GRIN3A: variants seen among roughly 807,000 people sequenced by gnomAD.
The protein encoded by GRIN3A is glutamate ionotropic receptor NMDA type subunit 3A.
GRIN3A carries 47 observed loss-of-function variants against 92.4 expected under a neutral mutation model. That is an observed-to-expected ratio of 0.51 (90% confidence interval 0.40 to 0.65). The LOEUF (loss-of-function observed/expected upper bound fraction) is 0.65. Among genes scored for constraint, GRIN3A ranks in the 30% least tolerant of loss-of-function variants. GRIN3A has a pLI of 0.00. For missense variants in GRIN3A, 1,324 were observed against 1,393.1 expected (o/e 0.95, Z 0.79); for synonymous variants, 527 against 540.6 (o/e 0.97, Z 0.35).
rs184344107 is a variant in GRIN3A, at chr9:101,689,002, A to C, written c.700-1802T>G. ...GGGTGTCCAGGCTTGAGCTGCCAGC[A>C]GGATCTTGAGGTGAGAGAAATGGAA... is the stretch of plus-strand genomic sequence containing the variant. On this transcript the variant is annotated intron_variant, in intron 1 of 8. Transcript: ENST00000361820. Among the ~76,000 whole-genome samples, 148 of 152,346 alleles carry C rather than the reference A, an allele frequency of 9.7e-4. 1 individual carries two copies. Among genetic ancestry groups the C allele is most frequent in the Admixed American group, 2.0e-3 (31 of 15,300 alleles).
chr9:101,638,687 T>C (rs1339139268), intron 3 of GRIN3A, among the ~76,000 whole-genome samples: 1 of 152,204 alleles, frequency 6.6e-6, no homozygotes, highest in Non-Finnish European at 1.5e-5. Context: ...ACTTTTAAAA[T>C]CCTTAGAATA....
chr9:101,664,406 C>T (rs553479338), intron 3 of GRIN3A, among the ~76,000 whole-genome samples: 6 of 152,022 alleles, frequency 3.9e-5, no homozygotes, highest in South Asian at 2.1e-4. Context: ...CACTCTGAAG[C>T]GTGGAGCTTG....
At chr9:101,721,211 G>C (rs1830008868) in intron 1 of GRIN3A, among the ~76,000 whole-genome samples, 1 of 152,186 alleles carries the variant, frequency 6.6e-6, no homozygotes, top group Non-Finnish European at 1.5e-5. Context: ...TCTAGTGATA[G>C]TGAATGAGTC....
chr9:101,687,946 C>T (rs185685121), intron 1 of GRIN3A, among the ~76,000 whole-genome samples: 2 of 152,260 alleles, frequency 1.3e-5, no homozygotes, highest in East Asian at 3.9e-4. Context: ...TGAAAAGTCA[C>T]AAATTAGCAG....
chr9:101,667,447 T>C (rs1829254276), intron 3 of GRIN3A, among the ~76,000 whole-genome samples: 1 of 152,012 alleles, frequency 6.6e-6, no homozygotes, highest in South Asian at 2.1e-4. Context: ...CATTCTTTCC[T>C]TGAACTTGGA....
intron 6 of GRIN3A, 141 bp downstream of exon 6, chr9:101,613,235 A>G (rs1262770347): frequency 1.1e-6 from 1 of 951,290 alleles, no homozygotes; most frequent in Non-Finnish European, 1.6e-6. Context: ...TTTTTGGACA[A>G]AGTAAAAAAT....
chr9:101,645,190 C>T (rs1828921370), intron 3 of GRIN3A, among the ~76,000 whole-genome samples: 1 of 151,810 alleles, frequency 6.6e-6, no homozygotes, highest in African/African-American at 2.4e-5. Context: ...AACCATCATT[C>T]TACTCTCTGT....
intron 6 of GRIN3A, among the ~76,000 whole-genome samples, chr9:101,609,764 G>T (rs975613696): frequency 6.6e-6 from 1 of 152,218 alleles, no homozygotes; most frequent in African/African-American, 2.4e-5. Context: ...CTAGAGGCTT[G>T]TATGTGATAA....
rs566071958 is a variant in GRIN3A, at chr9:101,711,436, T to C, written c.700-24236A>G. ...TGAATTGTTTATTTTCGGTTGACTA[T>C]GGGTAACTGAAACCTTGGAAAGCAA... On this transcript the variant is annotated intron_variant, in intron 1 of 8. Transcript: ENST00000361820. Among the ~76,000 whole-genome samples the C allele has an allele frequency of 4.5e-4, 68 of 152,308 alleles. 1 individual carries two copies. Among genetic ancestry groups the C allele is most frequent in the African/African-American group, 1.6e-3 (66 of 41,574 alleles).
intron 4 of GRIN3A, among the ~76,000 whole-genome samples, chr9:101,625,648 A>G (rs1270545255): frequency 6.6e-6 from 1 of 152,230 alleles, no homozygotes; most frequent in African/African-American, 2.4e-5. Context: ...AAAATGAAGC[A>G]TCTCCCAGCT....
At chr9:101,703,615 C>T (rs1293358303) in intron 1 of GRIN3A, among the ~76,000 whole-genome samples, 1 of 152,210 alleles carries the variant, frequency 6.6e-6, no homozygotes, top group Non-Finnish European at 1.5e-5. Context: ...TCACTATAAT[C>T]TCAGGACCTA....
intron 6 of GRIN3A, among the ~76,000 whole-genome samples, chr9:101,585,757 G>T (rs546027026): frequency 6.6e-6 from 1 of 152,252 alleles, no homozygotes; most frequent in African/African-American, 2.4e-5. Context: ...AGATTATTGA[G>T]ACAGCCTCCT....
At position 101,721,103 on chromosome 9, in the gene GRIN3A, A is replaced by G. The variant is rs563805303; in HGVS notation, c.699+16178T>C. 7.3e-4 allele frequency among the ~76,000 whole-genome samples: 111 copies of G among 152,302 alleles called. 1 individual carries two copies. In the South Asian group the frequency reaches 0.023, roughly 31 times the overall value. ...TATGGTTTGGCTGTGTCTCCACCCA[A>G]ATCTCAACTTGAATTGTATCTGCCT... On this transcript the variant is annotated intron_variant, in intron 1 of 8. Coordinates refer to ENST00000361820, the MANE Select transcript of GRIN3A (RefSeq NM_133445.3).
chr9:101,641,530 A>G (rs1286837046), intron 3 of GRIN3A, among the ~76,000 whole-genome samples: 1 of 152,114 alleles, frequency 6.6e-6, no homozygotes, highest in African/African-American at 2.4e-5. Flanking sequence ...TATCGCAAGA[A>G]CAAAAAACCA....
At chr9:101,644,461 A>AAAAAAAT (rs1828908661) in intron 3 of GRIN3A, among the ~76,000 whole-genome samples, 1 of 57,572 alleles carries the variant, frequency 1.7e-5, no homozygotes, top group African/African-American at 8.4e-5. Flanking sequence ...TTAGTCACTC[A>AAAAAAAT]AAAAAAAAAA....
intron 7 of GRIN3A, 58 bp from the exon 8 acceptor site, chr9:101,577,902 C>G (rs965454279): frequency 1.6e-6 from 2 of 1,243,086 alleles, no homozygotes; most frequent in African/African-American, 3.0e-5. Context: ...GGTCAGGGAA[C>G]AAAGAACCAC....
intron 1 of GRIN3A, among the ~76,000 whole-genome samples, chr9:101,726,873 G>A (rs1047087730): frequency 6.6e-6 from 1 of 151,968 alleles, no homozygotes; most frequent in African/African-American, 2.4e-5. Flanking sequence ...CAAATTTTAT[G>A]TAATCTTAAT....
At chr9:101,692,006 G>A (rs572823212) in intron 1 of GRIN3A, among the ~76,000 whole-genome samples, 30 of 152,276 alleles carry the variant, frequency 2.0e-4, no homozygotes, top group African/African-American at 6.5e-4. Context: ...AGTGCCTGGC[G>A]CAGAGTGAGG....
chr9:101,650,154 T>C (rs1391007886), intron 3 of GRIN3A, among the ~76,000 whole-genome samples: 1 of 152,002 alleles, frequency 6.6e-6, no homozygotes, highest in Non-Finnish European at 1.5e-5. Context: ...CCATAGCATA[T>C]CAGGAAGGAG....
Sources: allele counts gnomAD v4.1 joint callset (sites outside exome capture counted in the v4.1 genomes callset), GRCh38; gene constraint gnomAD v4.1.1; transcripts MANE v1.5; gene names NCBI Gene and HGNC (gene_info 2026-07-23, HGNC 2026-07-21).